MAK: variants seen among roughly 807,000 people sequenced by gnomAD.
MAK encodes serine/threonine-protein kinase MAK.
In MAK, 65 loss-of-function variants were observed where a neutral mutation model predicts 82.6. That is an observed-to-expected ratio of 0.79 (90% CI 0.64 to 0.97). The LOEUF (loss-of-function observed/expected upper bound fraction) is 0.97, where lower values mean the gene tolerates loss of function less well. MAK is among the 50% of genes least tolerant of loss of function. MAK has a pLI of 0.00. For synonymous variants in MAK, 250 were observed against 274.2 expected (o/e 0.91, Z 0.87); for missense variants, 703 against 780.2 (o/e 0.90, Z 1.18).
At position 10,789,682 on chromosome 6, in the gene MAK, C is replaced by T. The variant is rs557515296; in HGVS notation, c.1316+1993G>A. ...AAAATATCTTTTTTTTGTTTTGAGA[C>T]GGAGTCTCACTCTCACTCAGGCTGG... On this transcript the variant is annotated intron_variant, in intron 10 of 14. Transcript: ENST00000354489. 6.1e-4 allele frequency among the ~76,000 whole-genome samples: 93 copies of T among 152,190 alleles called. 1 individual carries two copies. The highest frequency in any genetic ancestry group is 1.1e-3 in the Non-Finnish European group (76 of 68,002).
rs116540397 is a variant in MAK, at chr6:10,770,455, G to A, written c.1673-225C>T. 4.4e-3 allele frequency among the ~76,000 whole-genome samples: 673 copies of A among 152,240 alleles called. 7 individuals carry two copies. The highest frequency in any genetic ancestry group is 0.016 in the African/African-American group (647 of 41,540). ...GTGGCTCTCCAATGTTGAGTAACTT[G>A]CCTAACTTCTCACAGTTAGTAAGAG... On this transcript the variant is annotated intron_variant, in intron 13 of 14. Coordinates refer to ENST00000354489, the MANE Select transcript of MAK (RefSeq NM_001242957.3).
rs1480213076 is a variant in MAK, at chr6:10,784,585, T to A, written c.1317-13A>T. The A allele has an allele frequency of 1.5e-5, 24 of 1,605,900 alleles. No homozygotes were observed. The highest frequency in any genetic ancestry group is 1.9e-5 in the Non-Finnish European group (22 of 1,175,998). The stretch of plus-strand genomic sequence containing the variant: ...TGGCTCTGGAAGCCTTGAAAGCCAA[T>A]GAAAGGTAGCATTACAGCACGAACA... On this transcript the variant is annotated splice_polypyrimidine_tract_variant and intron_variant, in intron 10 of 14. Coordinates refer to ENST00000354489, the MANE Select transcript of MAK (RefSeq NM_001242957.3).
Position 10,830,804 on chromosome 6 carries a change from A to G in MAK, c.-156T>C. On this transcript the variant is annotated 5_prime_UTR_variant, in exon 2 of 15. Coordinates refer to ENST00000354489, the MANE Select transcript of MAK (RefSeq NM_001242957.3). Reference sequence around the variant, plus strand: ...ATCATTAAATATAGTCTCTCCCCCAAGATTACAGAGGTTCATGAGATATAG... The same window carrying G: ...ATCATTAAATATAGTCTCTCCCCCAGGATTACAGAGGTTCATGAGATATAG... The G allele has an allele frequency of 1.5e-6, 1 of 687,854 alleles. No individual in the cohort carries two copies. The highest frequency in any genetic ancestry group is 2.7e-6 in the Non-Finnish European group (1 of 375,736). The allele number at this position is 687,854 out of a possible 1,614,324, so 42.6% of individuals were successfully genotyped here.
chr6:10,781,082 A>T (rs1773928493), intron 11 of MAK, among the ~76,000 whole-genome samples: 1 of 152,088 alleles, frequency 6.6e-6, no homozygotes, highest in Admixed American at 6.6e-5. Flanking sequence ...TCTGTAAGGG[A>T]TCTTGCTCCT....
chr6:10,810,426 G>C (rs1455118559), intron 5 of MAK, among the ~76,000 whole-genome samples: 1 of 141,970 alleles, frequency 7.0e-6, no homozygotes, highest in African/African-American at 2.6e-5. Flanking sequence ...TGCAACCTCC[G>C]CCTCCTGGGT....
intron 8 of MAK, among the ~76,000 whole-genome samples, chr6:10,799,491 C>A (rs61650753): frequency 0.1 from 15,307 of 152,082 alleles, 2,483 homozygotes; most frequent in African/African-American, 0.34. Context: ...TGGTGGCTCA[C>A]GCCTATATTA....
rs754308152 is a variant in MAK at position 10,800,502 on chromosome 6, T to C, written c.831+1390A>G. On this transcript the variant is annotated intron_variant, in intron 8 of 14. Transcript: ENST00000354489. This position sits in a 1 kb window ranked among gnomAD's most constrained non-coding sequence, Gnocchi z 4.2. ...GATCAAATACACATGTATGCTTTCC[T>C]TTTGTTTCTAACAGTTTAGGGTGCT... Among the ~76,000 whole-genome samples the C allele has an allele frequency of 1.3e-5, 2 of 152,130 alleles. No homozygotes were observed. Among genetic ancestry groups the C allele is most frequent in the Non-Finnish European group, 2.9e-5 (2 of 68,022 alleles).
chr6:10,774,903 C>T (rs1773333400), intron 12 of MAK, among the ~76,000 whole-genome samples: 1 of 152,234 alleles, frequency 6.6e-6, no homozygotes, highest in Non-Finnish European at 1.5e-5. Context: ...AGACCCATTT[C>T]AGGAAAGATT....
intron 2 of MAK, among the ~76,000 whole-genome samples, chr6:10,819,713 A>G (rs1777778309): frequency 3.3e-5 from 5 of 152,214 alleles, no homozygotes; most frequent in Admixed American, 2.6e-4. Context: ...TGTATTTAAG[A>G]GTAAAAACTA....
Position 10,803,772 on chromosome 6 carries a change from C to T in MAK, c.611G>A (p.Ser204Asn). The change falls in exon 7 of 15, where the codon AGT (serine) becomes AAT (asparagine). Residue 204 changes from serine (S) to asparagine (N), a missense_variant. Transcript: ENST00000354489. Reference sequence around the variant, plus strand: ...AATTTTAAAGATTTCATCGACCTCACTTGTCCCTGGGAAAAGTGGCCTTAA... The same window carrying T: ...AATTTTAAAGATTTCATCGACCTCATTTGTCCCTGGGAAAAGTGGCCTTAA... Reference protein sequence around the residue: ...YMLRPLFPGTSEVDEIFKICQ... With the variant: ...YMLRPLFPGTNEVDEIFKICQ... 1 of 1,614,128 alleles carries T rather than the reference C, an allele frequency of 6.2e-7. No homozygotes were observed. The highest frequency in any genetic ancestry group is 8.5e-7 in the Non-Finnish European group (1 of 1,180,008).
chr6:10,812,964 C>T (rs1378468078), intron 5 of MAK, among the ~76,000 whole-genome samples: 2 of 146,392 alleles, frequency 1.4e-5, no homozygotes, highest in Non-Finnish European at 3.0e-5. Flanking sequence ...GGGGTTTCAC[C>T]ATGTTGGCCA....
At chr6:10,788,177 A>T (rs1774755995) in intron 10 of MAK, among the ~76,000 whole-genome samples, 1 of 151,606 alleles carries the variant, frequency 6.6e-6, no homozygotes, top group African/African-American at 2.4e-5. Context: ...TTTTTTGTAG[A>T]GATGGAGTTT....
chr6:10,770,398 G>A (rs187965113), intron 13 of MAK, among the ~76,000 whole-genome samples, 168 bp from the exon 14 acceptor site: 57 of 152,260 alleles, frequency 3.7e-4, no homozygotes, highest in Middle Eastern at 3.4e-3. Flanking sequence ...CCATACAACA[G>A]CCCGCTTAGA....
intron 8 of MAK, among the ~76,000 whole-genome samples, chr6:10,801,488 T>C (rs1051810671): frequency 6.6e-6 from 1 of 152,208 alleles, no homozygotes; most frequent in Non-Finnish European, 1.5e-5. Flanking sequence ...TTGTATAAAG[T>C]GAACCAGAAT....
At position 10,808,152 on chromosome 6, in the gene MAK, A is replaced by C. The variant is rs1237056688; in HGVS notation, c.491+658T>G. Among the ~76,000 whole-genome samples the C allele has an allele frequency of 5.9e-5, 9 of 152,200 alleles. No homozygotes were observed. In the South Asian group the frequency reaches 1.9e-3, roughly 32 times the overall value. ...CACTACACACATCCCCACCCCATAG[A>C]ACTGCTTGCTATCCTGACTTTCATG... On this transcript the variant is annotated intron_variant, in intron 6 of 14. Coordinates refer to ENST00000354489, the MANE Select transcript of MAK (RefSeq NM_001242957.3).
At chr6:10,813,134 AAATTTTTT>A (rs1777175433) in intron 5 of MAK, among the ~76,000 whole-genome samples, 10 of 728 alleles carry the variant, frequency 0.014, no homozygotes, top group African/African-American at 0.03. Context: ...ATATATATAT[AAATTTTTT>A]TTTTTTTTTT....
chr6:10,813,134 AAATTTTTTTTT>A (rs1561987666), intron 5 of MAK, among the ~76,000 whole-genome samples: 23 of 726 alleles, frequency 0.032, 3 homozygotes, highest in South Asian at 0.17. Flanking sequence ...ATATATATAT[AAATTTTTTTTT>A]TTTTTTTTTT....
chr6:10,777,342 G>A (rs1205743701), intron 11 of MAK, among the ~76,000 whole-genome samples: 1 of 151,564 alleles, frequency 6.6e-6, no homozygotes, highest in African/African-American at 2.4e-5. Flanking sequence ...AACCCAAGTT[G>A]TGGAAGTTGC....
At chr6:10,798,328 C>T (rs146420964) in intron 8 of MAK, among the ~76,000 whole-genome samples, 44 of 151,866 alleles carry the variant, frequency 2.9e-4, no homozygotes, top group Non-Finnish European at 4.7e-4. Flanking sequence ...TTGGTCAGGC[C>T]GGTCTCAAGC....
Sources: allele counts gnomAD v4.1 joint callset (sites outside exome capture counted in the v4.1 genomes callset), GRCh38; gene constraint gnomAD v4.1.1; non-coding constraint Gnocchi (gnomAD v3.1); transcripts MANE v1.5; gene names NCBI Gene and HGNC (gene_info 2026-07-23, HGNC 2026-07-21).